Variants in VAV3 observed in about 807,000 individuals in gnomAD.
The protein encoded by VAV3 is guanine nucleotide exchange factor VAV3.
In VAV3, 94 loss-of-function variants were observed where a neutral mutation model predicts 131.2. The observed-to-expected ratio is 0.72, with a 90% CI of 0.61 to 0.85. VAV3 has a LOEUF of 0.85. Ranked by LOEUF, VAV3 falls within the 40% of genes least tolerant of loss-of-function variation. VAV3 has a pLI of 0.00. For synonymous variants in VAV3, 349 were observed against 342.0 expected (o/e 1.02, Z -0.22); for missense variants, 939 against 1,002.7 (o/e 0.94, Z 0.86).
chr1:107,699,019 AT>A (rs2101820407), intron 17 of VAV3, among the ~76,000 whole-genome samples: 1 of 152,294 alleles, frequency 6.6e-6, no homozygotes, highest in African/African-American at 2.4e-5. Flanking sequence ...GCCAAACCAT[AT>A]CATTCTGCTC....
intron 15 of VAV3, among the ~76,000 whole-genome samples, chr1:107,732,347 C>T (rs2101973703): frequency 6.6e-6 from 1 of 152,326 alleles, no homozygotes; most frequent in South Asian, 2.1e-4. Flanking sequence ...CCTGGTTCAT[C>T]TCACTGGGAC....
At chr1:107,700,578 T>C (rs1660055504) in intron 17 of VAV3, among the ~76,000 whole-genome samples, 2 of 152,230 alleles carry the variant, frequency 1.3e-5, no homozygotes, top group African/African-American at 4.8e-5. Flanking sequence ...CTGCATTAGT[T>C]TGCTGAGGAT....
chr1:107,929,451 G>T (rs1673318337), intron 1 of VAV3, among the ~76,000 whole-genome samples: 1 of 152,000 alleles, frequency 6.6e-6, no homozygotes, highest in South Asian at 2.1e-4. Context: ...CAATCAGAAA[G>T]AAAAGGACAT....
chr1:107,841,142 T>C (rs546640366), intron 2 of VAV3, among the ~76,000 whole-genome samples: 20 of 152,202 alleles, frequency 1.3e-4, no homozygotes, highest in South Asian at 2.1e-4. Flanking sequence ...GAATGCCATA[T>C]GGTCTTAAAT....
At chr1:107,832,431 T>C (rs1668295919) in intron 2 of VAV3, among the ~76,000 whole-genome samples, 1 of 152,162 alleles carries the variant, frequency 6.6e-6, no homozygotes, top group Non-Finnish European at 1.5e-5. Flanking sequence ...ACCGGGTCTT[T>C]AACAGTCTGA....
intron 2 of VAV3, among the ~76,000 whole-genome samples, chr1:107,817,328 G>T (rs1557864336): frequency 6.6e-6 from 1 of 152,040 alleles, no homozygotes; most frequent in Non-Finnish European, 1.5e-5. Flanking sequence ...TGGGTGTACA[G>T]GTAGAGGCAA....
Position 107,792,961 on chromosome 1 carries a change from G to C in VAV3, c.322-13469C>G, listed in dbSNP as rs964666034. Among the ~76,000 whole-genome samples the C allele has an allele frequency of 2.0e-5, 3 of 151,888 alleles. No individual in the cohort carries two copies. The East Asian group carries it at 5.8e-4, about 29-fold the overall frequency. On this transcript the variant is annotated intron_variant, in intron 2 of 26. Transcript: ENST00000370056. The stretch of plus-strand genomic sequence containing the variant: ...ACTGTAATGATATTCTGGTTTAAAA[G>C]TTATCTGTTTATCAGTATAAATATT...
chr1:107,638,563 T>C (rs1453585014), intron 20 of VAV3, among the ~76,000 whole-genome samples: 1 of 152,142 alleles, frequency 6.6e-6, no homozygotes, highest in African/African-American at 2.4e-5. Context: ...GTATGTTCAG[T>C]GATTAGAAGA....
intron 13 of VAV3, among the ~76,000 whole-genome samples, chr1:107,750,527 A>G (rs11185173): frequency 0.65 from 98,987 of 152,026 alleles, 32,741 homozygotes; most frequent in East Asian, 0.94. Flanking sequence ...TAAAGGACCT[A>G]TGGAGCCAGG....
chr1:107,851,995 G>A (rs983933147), intron 2 of VAV3, among the ~76,000 whole-genome samples: 51 of 152,058 alleles, frequency 3.4e-4, no homozygotes, highest in African/African-American at 1.2e-3. Context: ...CTTTTAATCT[G>A]TAATCCTCAT....
chr1:107,624,752 T>C (rs1653882315), intron 20 of VAV3, among the ~76,000 whole-genome samples: 1 of 152,198 alleles, frequency 6.6e-6, no homozygotes, highest in African/African-American at 2.4e-5. Context: ...TAAAGAATGT[T>C]ACTTTTCTAC....
chr1:107,826,865 C>T (rs1173439533), intron 2 of VAV3, among the ~76,000 whole-genome samples: 1 of 152,042 alleles, frequency 6.6e-6, no homozygotes, highest in East Asian at 1.9e-4. Context: ...CAGCCCGAGT[C>T]TATATTTTTT....
chr1:107,874,566 G>A (rs1326263306), intron 2 of VAV3, among the ~76,000 whole-genome samples: 2 of 151,462 alleles, frequency 1.3e-5, no homozygotes, highest in African/African-American at 2.4e-5. Flanking sequence ...CTAAAGGGCA[G>A]ATAATAGTAA....
chr1:107,925,704 T>C (rs553076918), intron 1 of VAV3, among the ~76,000 whole-genome samples: 60 of 152,226 alleles, frequency 3.9e-4, no homozygotes, highest in Non-Finnish European at 6.9e-4. Context: ...TACTGTTTAA[T>C]GTTACAGAAT....
At chr1:107,607,947 G>A (rs1051399142) in intron 22 of VAV3, among the ~76,000 whole-genome samples, 3 of 152,156 alleles carry the variant, frequency 2.0e-5, no homozygotes, top group African/African-American at 7.2e-5. Flanking sequence ...TTCTAAAATT[G>A]AAGGTTCTAT....
At chr1:107,716,021 T>C (rs893626822) in intron 15 of VAV3, among the ~76,000 whole-genome samples, 3 of 152,200 alleles carry the variant, frequency 2.0e-5, no homozygotes, top group African/African-American at 4.8e-5. Context: ...TGAAAGGTAA[T>C]CTGACAAGCT....
At chr1:107,912,042 G>GTT (rs1672392750) in intron 1 of VAV3, among the ~76,000 whole-genome samples, 2 of 151,940 alleles carry the variant, frequency 1.3e-5, no homozygotes, top group South Asian at 4.1e-4. Context: ...AATACCAAGT[G>GTT]TTTTTTGTTT....
In VAV3 at chr1:107,710,035, AT is replaced by A. The variant is rs200453194; in HGVS notation, c.1503-4975del. ...ACAATGTAAAATAATAATACATATGATTTTTAAAACATACATGCTTAAAATG... is the reference window on the plus strand; with the variant it reads ...ACAATGTAAAATAATAATACATATGATTTTAAAACATACATGCTTAAAATG... On this transcript the variant is annotated intron_variant, in intron 15 of 26. Transcript: ENST00000370056. Among the ~76,000 whole-genome samples the A allele has an allele frequency of 3.9e-4, 60 of 152,332 alleles. 1 individual carries two copies. The East Asian group carries it at 0.011, about 27-fold the overall frequency.
chr1:107,903,601 A>G (rs960578723), intron 1 of VAV3, among the ~76,000 whole-genome samples: 5 of 152,264 alleles, frequency 3.3e-5, no homozygotes, highest in African/African-American at 1.2e-4. Flanking sequence ...AAGGGCATTC[A>G]CCTAAGATAC....
Sources: gnomAD v4.1 joint callset for allele counts (sites outside exome capture counted in the v4.1 genomes callset) on GRCh38, gnomAD v4.1.1 for gene constraint, MANE v1.5 for transcripts, NCBI Gene and HGNC (gene_info 2026-07-23, HGNC 2026-07-21) for gene names.